C20orf96: variants seen among roughly 807,000 people sequenced by gnomAD.
The protein encoded by C20orf96 is uncharacterized protein C20orf96.
Under a neutral mutation model 52.6 loss-of-function variants are expected in C20orf96, and 57 were observed. The observed-to-expected ratio is 1.08, with a 90% CI of 0.88 to 1.35. The LOEUF is 1.35. Among genes scored for constraint, C20orf96 ranks in the 40% most tolerant of loss-of-function variants. The pLI is 0.00. For missense variants in C20orf96, 478 were observed against 443.6 expected (o/e 1.08, Z -0.70); for synonymous variants, 168 against 157.2 (o/e 1.07, Z -0.51).
chr20:274,785 C>T (rs1198528467), intron 10 of C20orf96, among the ~76,000 whole-genome samples: 1 of 151,822 alleles, frequency 6.6e-6, no homozygotes, highest in Non-Finnish European at 1.5e-5. Context: ...ACTTGCTGTC[C>T]TAACAGTTGC....
intron 9 of C20orf96, 25 bp downstream of exon 9, chr20:276,768 A>G: frequency 6.2e-7 from 1 of 1,606,520 alleles, no homozygotes. Context: ...CCCTACAGGG[A>G]CCACCACCTT....
At chr20:284,120 T>C in intron 3 of C20orf96, 39 bp from the exon 4 acceptor site, 2 of 1,550,414 alleles carry the variant, frequency 1.3e-6, no homozygotes, top group Non-Finnish European at 1.8e-6. Context: ...AGAGTGAGGG[T>C]CCCGGAAGGC....
rs376765826 is a variant in C20orf96, at chr20:271,021, G to A, written c.*186C>T. On this transcript the variant is annotated 3_prime_UTR_variant, in exon 11 of 11. Coordinates refer to ENST00000360321, the MANE Select transcript of C20orf96 (RefSeq NM_153269.3). ...AGGGAGGGAGAGGAGGAAGGAAGGA[G>A]GAGGGAAGGGAAGGGGGGAAGAAGG... is the stretch of plus-strand genomic sequence containing the variant. The A allele has an allele frequency of 1.4e-3, 752 of 552,854 alleles. 11 individuals carry two copies. The highest frequency in any genetic ancestry group is 0.013 in the East Asian group (385 of 29,836). 34.2% of individuals were successfully genotyped at this position (552,854 alleles called of 1,614,324 possible). A position where few individuals can be genotyped will look rare whatever the true frequency, so the allele number is the denominator to read the frequency against.
At chr20:287,908 C>CAAAAAAAAAAAAAAAAAAAAAAA (rs71327437) in intron 3 of C20orf96, among the ~76,000 whole-genome samples, 1 of 63,084 alleles carries the variant, frequency 1.6e-5, no homozygotes, top group African/African-American at 5.7e-5. Flanking sequence ...GACTCCTTCT[C>CAAAAAAAAAAAAAAAAAAAAAAA]AAAAAAAAAA....
At position 283,982 on chromosome 20, in the gene C20orf96, G is replaced by A; in HGVS notation, c.287C>T (p.Ala96Val). 6.2e-7 allele frequency: 1 copy of A among 1,613,524 alleles called. No individual in the cohort carries two copies. The highest frequency in any genetic ancestry group is 1.1e-5 in the South Asian group (1 of 91,064). The change falls in exon 4 of 11, where the codon GCC (alanine) becomes GTC (valine). Residue 96 changes from alanine (A) to valine (V), a missense_variant. Ala to Val is a moderately conservative substitution (Grantham distance 64). Coordinates refer to ENST00000360321, the MANE Select transcript of C20orf96 (RefSeq NM_153269.3). ...TCATACCTTCATTAACCAGATTTTG[G>A]CATGCATCTTCCCAGGGTCCAACTT... ...RRKLDPGKMH[A>V]KIWLMKTSLR...
intron 4 of C20orf96, among the ~76,000 whole-genome samples, chr20:283,452 T>C (rs2012302473): frequency 6.6e-6 from 1 of 152,084 alleles, no homozygotes; most frequent in Admixed American, 6.6e-5. Flanking sequence ...TACAGGTGCG[T>C]GCTACCACAC....
Position 290,744 on chromosome 20 carries a change from T to A in C20orf96, c.-134A>T, listed in dbSNP as rs1424982637. Reference sequence around the variant, plus strand: ...GCCACTCAGAAGTCCCGAGACCCGATGCTTTCGCCAGCGTCTCGGTCTCCA... The same window carrying A: ...GCCACTCAGAAGTCCCGAGACCCGAAGCTTTCGCCAGCGTCTCGGTCTCCA... On this transcript the variant is annotated 5_prime_UTR_variant, in exon 1 of 11. Coordinates refer to ENST00000360321, the MANE Select transcript of C20orf96 (RefSeq NM_153269.3). 4 of 1,077,908 alleles carry A rather than the reference T, an allele frequency of 3.7e-6. No homozygotes were observed. The Admixed American group carries it at 9.7e-5, about 26-fold the overall frequency. 66.8% of individuals were successfully genotyped at this position (1,077,908 alleles called of 1,614,324 possible). A position where few individuals can be genotyped will look rare whatever the true frequency, so the allele number is the denominator to read the frequency against.
chr20:276,986 A>C, intron 8 of C20orf96, 58 bp downstream of exon 8: 1 of 1,591,716 alleles, frequency 6.3e-7, no homozygotes, highest in Non-Finnish European at 8.6e-7. Context: ...GATGGGGAAG[A>C]GGGCGGGGTG....
intron 4 of C20orf96, 62 bp from the exon 5 acceptor site, chr20:279,392 A>G (rs2012188067): frequency 6.5e-7 from 1 of 1,540,194 alleles, no homozygotes; most frequent in Admixed American, 1.9e-5. Context: ...AGCCCCCGAA[A>G]GCCCGTGGAC....
At chr20:279,395 C>T (rs906071616) in intron 4 of C20orf96, 65 bp from the exon 5 acceptor site, 21 of 1,504,396 alleles carry the variant, frequency 1.4e-5, no homozygotes, top group Non-Finnish European at 1.6e-5. Context: ...CCCCGAAAGC[C>T]CGTGGACCCG....
At chr20:290,419 G>T (rs552281587) in intron 1 of C20orf96, 112 bp from the exon 2 acceptor site, 1 of 1,552,994 alleles carries the variant, frequency 6.4e-7, no homozygotes, top group Non-Finnish European at 8.7e-7. Context: ...GTTTACCGGG[G>T]ACAATAGCCC....
At position 284,059 on chromosome 20, in the gene C20orf96, C is replaced by T. The variant is rs749079061; in HGVS notation, c.210G>A (p.Thr70=). ...VQPVFHFKPT[T]VVTSCQPKNP... ...TCTTCGGCTGGCAGCTTGTCACCAC[C>T]GTAGTGGGCTTGAAGTGAAACACTA... Residue 70 remains threonine, a synonymous_variant, in exon 4 of 11, where the codon ACG becomes ACA. Coordinates refer to ENST00000360321, the MANE Select transcript of C20orf96 (RefSeq NM_153269.3). The T allele has an allele frequency of 1.2e-6, 2 of 1,614,064 alleles. No homozygotes were observed. Among genetic ancestry groups the T allele is most frequent in the East Asian group, 2.2e-5 (1 of 44,886 alleles).
In C20orf96 at chr20:272,597, C is replaced by T. The variant is rs546171624; in HGVS notation, c.1032-1330G>A. ...TCTCGAACTCCCAGCCTCAAGCGATCCTTCTTCCTCATCCTCCTAAAGCAC... is the reference window on the plus strand; with the variant it reads ...TCTCGAACTCCCAGCCTCAAGCGATTCTTCTTCCTCATCCTCCTAAAGCAC... On this transcript the variant is annotated intron_variant, in intron 10 of 10. Coordinates refer to ENST00000360321, the MANE Select transcript of C20orf96 (RefSeq NM_153269.3). Among the ~76,000 whole-genome samples the T allele has an allele frequency of 4.6e-5, 7 of 152,226 alleles. No individual in the cohort carries two copies. The South Asian group carries it at 1.5e-3, about 32-fold the overall frequency.
chr20:277,082 G>C lies in C20orf96; in HGVS notation c.787C>G (p.Gln263Glu), dbSNP rs373753442. The change falls in exon 8 of 11, where the codon CAG (glutamine) becomes GAG (glutamate). Residue 263 changes from glutamine to glutamate, a missense_variant. Transcript: ENST00000360321. ...KVLESLSDKIQKKKKKILSSV... is the reference protein window; with the variant it reads ...KVLESLSDKIEKKKKKILSSV... ...CTCAGAATTTTTTTCTTCTTCTTCT[G>C]AATCTTGTCAGACAAGGATTCCAGG... is the stretch of plus-strand genomic sequence containing the variant. The C allele has an allele frequency of 1.5e-5, 25 of 1,613,898 alleles. No individual in the cohort carries two copies. In the East Asian group the frequency reaches 3.8e-4, roughly 24 times the overall value.
At chr20:277,420 G>A (rs1457295753) in intron 6 of C20orf96, 37 bp from the exon 7 acceptor site, 2 of 1,607,922 alleles carry the variant, frequency 1.2e-6, no homozygotes, top group African/African-American at 2.7e-5. Flanking sequence ...GGGACAGGAG[G>A]CAAGACCTTC....
intron 4 of C20orf96, among the ~76,000 whole-genome samples, chr20:279,574 TAC>T (rs1353493585): frequency 1.3e-5 from 2 of 152,198 alleles, no homozygotes; most frequent in African/African-American, 4.8e-5. Context: ...CGGGTGCATC[TAC>T]AGTTGGTGGC....
At chr20:276,162 C>T (rs112654430) in intron 9 of C20orf96, 76 bp from the exon 10 acceptor site, 25,695 of 1,603,880 alleles carry the variant, frequency 0.016, 260 homozygotes, top group Middle Eastern at 0.026. Context: ...CCAAAATGAA[C>T]GAGGAGCAAA....
At chr20:279,704 G>A (rs889253985) in intron 4 of C20orf96, among the ~76,000 whole-genome samples, 3 of 152,158 alleles carry the variant, frequency 2.0e-5, no homozygotes, top group Non-Finnish European at 4.4e-5. Context: ...GGGCGGGGTG[G>A]CTCACGTCTA....
chr20:289,438 T>C (rs796348748), intron 3 of C20orf96, 121 bp downstream of exon 3: 1 of 696,566 alleles, frequency 1.4e-6, no homozygotes, highest in Non-Finnish European at 2.6e-6. Context: ...TACTTGCAAT[T>C]TGGGCATTGT....
Sources: allele counts gnomAD v4.1 joint callset (sites outside exome capture counted in the v4.1 genomes callset), GRCh38; gene constraint gnomAD v4.1.1; transcripts MANE v1.5; gene names NCBI Gene and HGNC (gene_info 2026-07-23, HGNC 2026-07-21).